The following BCLAF1 variants were observed in gnomAD, a reference collection of about 807,000 sequenced individuals.
BCLAF1 encodes bcl-2-associated transcription factor 1.
In BCLAF1, 10 loss-of-function variants were observed where a neutral mutation model predicts 99.5. The observed-to-expected ratio is 0.10, with a 90% CI of 0.06 to 0.17. BCLAF1 has a LOEUF of 0.17. BCLAF1 is among the 10% of genes least tolerant of loss of function. The pLI, the probability that BCLAF1 is intolerant of heterozygous loss-of-function variation, is 1.00. For synonymous variants in BCLAF1, 255 were observed against 370.9 expected, an observed-to-expected ratio of 0.69 and a Z score of 3.59; for missense variants, 636 against 1,105.8, an observed-to-expected ratio of 0.58 and a Z score of 6.02.
intron 1 of BCLAF1, among the ~76,000 whole-genome samples, chr6:136,285,583 A>G (rs1352761825): frequency 6.6e-6 from 1 of 152,224 alleles, no homozygotes; most frequent in African/African-American, 2.4e-5. Context: ...TATTACAACC[A>G]AGATCATTTG....
chr6:136,287,075 G>A (rs1284985863), intron 1 of BCLAF1, among the ~76,000 whole-genome samples: 2 of 152,168 alleles, frequency 1.3e-5, no homozygotes, highest in Non-Finnish European at 2.9e-5. Context: ...GGGAGGCAGA[G>A]GTTGCAGTCA....
At chr6:136,269,726 G>T in intron 8 of BCLAF1, 114 bp from the exon 9 acceptor site, 1 of 710,726 alleles carries the variant, frequency 1.4e-6, no homozygotes, top group Non-Finnish European at 2.1e-6. Flanking sequence ...TTTAGTATCA[G>T]AAAATAATGA....
chr6:136,265,573 T>C (rs943722828), intron 11 of BCLAF1, among the ~76,000 whole-genome samples: 1 of 152,132 alleles, frequency 6.6e-6, no homozygotes, highest in African/African-American at 2.4e-5. Context: ...TCACACTGAC[T>C]CCTTGTACTC....
At chr6:136,269,742 A>G (rs1322508930) in intron 8 of BCLAF1, 130 bp from the exon 9 acceptor site, 6 of 592,796 alleles carry the variant, frequency 1.0e-5, no homozygotes, top group South Asian at 4.1e-5. Flanking sequence ...AATGAATCAT[A>G]TAAGATACTA....
In BCLAF1 at chr6:136,261,065, T is replaced by A. The variant is rs74299323; in HGVS notation, c.*45A>T. The A allele has an allele frequency of 6.6e-7, 1 of 1,508,590 alleles. No homozygotes were observed. Among genetic ancestry groups the A allele is most frequent in the African/African-American group, 1.4e-5 (1 of 70,374 alleles). 93.5% of individuals were successfully genotyped at this position (1,508,590 alleles called of 1,614,324 possible). ...GAAAACAAAAATCAGGTAAAAAAAATGGTGGGTGCAAGTTCTGCTCTGTTG... is the reference window on the plus strand; with the variant it reads ...GAAAACAAAAATCAGGTAAAAAAAAAGGTGGGTGCAAGTTCTGCTCTGTTG... On this transcript the variant is annotated 3_prime_UTR_variant, in exon 13 of 13. Transcript: ENST00000531224.
At chr6:136,261,151 G>A (rs1161834362) in intron 12 of BCLAF1, 36 bp from the exon 13 acceptor site, 3 of 1,570,778 alleles carry the variant, frequency 1.9e-6, no homozygotes, top group South Asian at 2.4e-5. Context: ...ATTAACAAAA[G>A]ATGCGGAGAG....
rs1189841004 is a variant in BCLAF1 at position 136,258,078 on chromosome 6, G to A, written c.*3032C>T. ...ATTTGCCATTTGTATGAGTCAAAAT[G>A]TGTCAGTTTGTCTTAGTACACAAAT... On this transcript the variant is annotated 3_prime_UTR_variant, in exon 13 of 13. Coordinates refer to ENST00000531224, the MANE Select transcript of BCLAF1 (RefSeq NM_014739.3). The A allele has an allele frequency of 6.6e-6, 1 of 152,076 alleles. No individual in the cohort carries two copies. Among genetic ancestry groups the A allele is most frequent in the Non-Finnish European group, 1.5e-5 (1 of 67,942 alleles). The allele number at this position is 152,076 out of a possible 1,614,324, so 9.4% of individuals were successfully genotyped here.
chr6:136,282,337 G>C (rs1784481900), intron 2 of BCLAF1, among the ~76,000 whole-genome samples: 2 of 151,910 alleles, frequency 1.3e-5, no homozygotes, highest in Admixed American at 1.3e-4. Context: ...TATGTCCTGA[G>C]TCTTTTAGTA....
At position 136,260,061 on chromosome 6, in the gene BCLAF1, T is replaced by G. The variant is rs1023202358; in HGVS notation, c.*1049A>C. 6 of 152,010 alleles carry G rather than the reference T, an allele frequency of 3.9e-5. No homozygotes were observed. Among genetic ancestry groups the G allele is most frequent in the Admixed American group, 6.6e-5 (1 of 15,260 alleles). 9.4% of individuals were successfully genotyped at this position (152,010 alleles called of 1,614,324 possible). On this transcript the variant is annotated 3_prime_UTR_variant, in exon 13 of 13. Coordinates refer to ENST00000531224, the MANE Select transcript of BCLAF1 (RefSeq NM_014739.3). Reference sequence around the variant, plus strand: ...CCGCAACAAGCTTCCTGCCAAAACTTTTATTGGTGACATTTGAAAAACAAT... The same window carrying G: ...CCGCAACAAGCTTCCTGCCAAAACTGTTATTGGTGACATTTGAAAAACAAT...
chr6:136,289,450 G>T (rs1290936352), intron 1 of BCLAF1, among the ~76,000 whole-genome samples: 1 of 152,194 alleles, frequency 6.6e-6, no homozygotes, highest in Non-Finnish European at 1.5e-5. Context: ...GGGAGGCCGC[G>T]CGGGCTGTGG....
chr6:136,278,703 C>T lies in BCLAF1; in HGVS notation c.178G>A (p.Asp60Asn). The change falls in exon 4 of 13, where the codon GAT (aspartate) becomes AAT (asparagine). Residue 60 changes from aspartate to asparagine, a missense_variant. This residue lies in a region of BCLAF1 where 81 missense variants were observed against 132.5 expected (regional missense o/e 0.61). Transcript: ENST00000531224. ...DRMYSRDYRR[D>N]YRNNRGMRRP... ...CTCATTCCTCTATTATTTCTGTAAT[C>T]GCGACGATAATCTCTAGAATACATA... 4 of 1,612,564 alleles carry T rather than the reference C, an allele frequency of 2.5e-6. No homozygotes were observed. The highest frequency in any genetic ancestry group is 3.4e-6 in the Non-Finnish European group (4 of 1,179,610).
rs116261262 is a variant in BCLAF1, at chr6:136,260,615, T to C, written c.*495A>G. On this transcript the variant is annotated 3_prime_UTR_variant, in exon 13 of 13. Coordinates refer to ENST00000531224, the MANE Select transcript of BCLAF1 (RefSeq NM_014739.3). ...TTTACCATAGTAACAACTTTTTGTC[T>C]GTGGTATACTTCAAAAATCAGTCAC... is the stretch of plus-strand genomic sequence containing the variant. 819 of 157,878 alleles carry C rather than the reference T, an allele frequency of 5.2e-3. 3 individuals carry two copies. Among genetic ancestry groups the C allele is most frequent in the African/African-American group, 0.019 (791 of 41,848 alleles). The allele number at this position is 157,878 out of a possible 1,614,324, so 9.8% of individuals were successfully genotyped here.
intron 2 of BCLAF1, among the ~76,000 whole-genome samples, chr6:136,281,364 T>C (rs572523578): frequency 6.6e-6 from 1 of 152,302 alleles, no homozygotes. Flanking sequence ...TTAGCAACTG[T>C]AGTTTTGACA....
At chr6:136,278,830 T>C in intron 3 of BCLAF1, 54 bp from the exon 4 acceptor site, 1 of 1,408,298 alleles carries the variant, frequency 7.1e-7, no homozygotes, top group Non-Finnish European at 9.4e-7. Flanking sequence ...CATGCTACCA[T>C]TCTAAATACT....
At position 136,259,377 on chromosome 6, in the gene BCLAF1, TG is replaced by T. The variant is rs1331578367; in HGVS notation, c.*1732del. 2 of 152,082 alleles carry T rather than the reference TG, an allele frequency of 1.3e-5. No individual in the cohort carries two copies. The highest frequency in any genetic ancestry group is 2.9e-5 in the Non-Finnish European group (2 of 67,912). 9.4% of individuals were successfully genotyped at this position (152,082 alleles called of 1,614,324 possible). On this transcript the variant is annotated 3_prime_UTR_variant, in exon 13 of 13. Coordinates refer to ENST00000531224, the MANE Select transcript of BCLAF1 (RefSeq NM_014739.3). ...TTGATGTCTAACCAAGTAACTGTTA[TG>T]GTATTTATTTGTATACAATAAAAGG...
At chr6:136,280,000 C>T in intron 2 of BCLAF1, 124 bp from the exon 3 acceptor site, 1 of 1,131,792 alleles carries the variant, frequency 8.8e-7, no homozygotes, top group Non-Finnish European at 1.1e-6. Flanking sequence ...TATTCACCAT[C>T]CTTTTCAAAT....
In BCLAF1 at chr6:136,275,528, A is replaced by G. The variant is rs1187728851; in HGVS notation, c.1852+4T>C. Reference sequence around the variant, plus strand: ...ATTCACGATACTAAACATACTAAGCATACCTTTAACATGATGAACCAAGGA... The same window carrying G: ...ATTCACGATACTAAACATACTAAGCGTACCTTTAACATGATGAACCAAGGA... On this transcript the variant is annotated splice_donor_region_variant and intron_variant, in intron 6 of 12. Coordinates refer to ENST00000531224, the MANE Select transcript of BCLAF1 (RefSeq NM_014739.3). 2.6e-6 allele frequency: 4 copies of G among 1,546,026 alleles called. No individual in the cohort carries two copies. Among genetic ancestry groups the G allele is most frequent in the Non-Finnish European group, 3.5e-6 (4 of 1,153,052 alleles).
At chr6:136,266,359 G>T (rs1016756772) in intron 11 of BCLAF1, among the ~76,000 whole-genome samples, 1 of 151,938 alleles carries the variant, frequency 6.6e-6, no homozygotes, top group African/African-American at 2.4e-5. Context: ...TAATAGTTTC[G>T]GTATATTCTT....
At chr6:136,284,591 A>C (rs1353491594) in intron 1 of BCLAF1, among the ~76,000 whole-genome samples, 1 of 152,206 alleles carries the variant, frequency 6.6e-6, no homozygotes, top group African/African-American at 2.4e-5. Flanking sequence ...TAAATAAAAT[A>C]ATGTCATATT....
Sources: allele counts gnomAD v4.1 joint callset (sites outside exome capture counted in the v4.1 genomes callset), GRCh38; gene constraint gnomAD v4.1.1; regional missense constraint gnomAD v4.1.1; transcripts MANE v1.5; gene names NCBI Gene and HGNC (gene_info 2026-07-23, HGNC 2026-07-21).